The following EVA1A variants were observed in gnomAD, a reference collection of about 807,000 sequenced individuals.
EVA1A encodes the protein protein eva-1 homolog A.
Under a neutral mutation model 9.8 loss-of-function variants are expected in EVA1A, and 7 were observed. The ratio of observed to expected loss-of-function variants is 0.71; its 90% CI spans 0.41 to 1.34. The LOEUF (loss-of-function observed/expected upper bound fraction) is 1.34. EVA1A is among the 40% of genes most tolerant of loss of function. EVA1A has a pLI of 0.01. For missense variants in EVA1A, 206 were observed against 205.9 expected, an observed-to-expected ratio of 1.00 and a Z score of 0.00; for synonymous variants, 90 against 85.6, an observed-to-expected ratio of 1.05 and a Z score of -0.28.
rs1199055530 is a variant in EVA1A at position 75,518,129 on chromosome 2, G to T, written c.12C>A (p.Pro4=). Residue 4 remains proline, a synonymous_variant, in exon 3 of 4, where the codon CCC becomes CCA. Coordinates refer to ENST00000393913, the MANE Select transcript of EVA1A (RefSeq NM_001135032.2). ...CCACGTGCTCTGGGCTGTGGCTGAGGGGCAGCCTCATGGGACATCCAGAGG... is the reference window on the plus strand; with the variant it reads ...CCACGTGCTCTGGGCTGTGGCTGAGTGGCAGCCTCATGGGACATCCAGAGG... MRL[P]LSHSPEHVEM... 5 of 1,613,908 alleles carry T rather than the reference G, an allele frequency of 3.1e-6. No individual in the cohort carries two copies. The highest frequency in any genetic ancestry group is 1.7e-5 in the Admixed American group (1 of 59,996).
chr2:75,545,959 C>T (rs897665986), intron 1 of EVA1A, among the ~76,000 whole-genome samples: 2 of 152,012 alleles, frequency 1.3e-5, no homozygotes, highest in Admixed American at 1.3e-4. Flanking sequence ...GAGCACCTCT[C>T]AACTCAAAGA....
intron 1 of EVA1A, chr2:75,542,427 C>G (rs191826152): frequency 6.6e-6 from 1 of 152,362 alleles, no homozygotes; most frequent in Admixed American, 6.5e-5. Flanking sequence ...TGAGTTCTTC[C>G]CAACCTACCT....
intron 1 of EVA1A, among the ~76,000 whole-genome samples, chr2:75,547,394 T>C (rs1450342895): frequency 1.3e-5 from 2 of 152,208 alleles, no homozygotes; most frequent in Non-Finnish European, 2.9e-5. Flanking sequence ...ACTTGCAATT[T>C]TCAAACTTCA....
At chr2:75,528,369 T>C (rs999495119) in intron 1 of EVA1A, among the ~76,000 whole-genome samples, 3 of 152,170 alleles carry the variant, frequency 2.0e-5, no homozygotes, top group Non-Finnish European at 2.9e-5. Context: ...GGGAGGCTTG[T>C]AGCCTGGGGC....
chr2:75,524,879 T>C (rs772344254), intron 1 of EVA1A, among the ~76,000 whole-genome samples: 9 of 152,146 alleles, frequency 5.9e-5, no homozygotes, highest in Non-Finnish European at 1.0e-4. Flanking sequence ...GATCTCCATC[T>C]CTCTATATAA....
At chr2:75,511,846 C>T (rs547963706) in intron 3 of EVA1A, among the ~76,000 whole-genome samples, 5 of 152,132 alleles carry the variant, frequency 3.3e-5, no homozygotes, top group Admixed American at 6.5e-5. Flanking sequence ...CTAGGAGTTC[C>T]AGCAGGGGAG....
At chr2:75,522,709 C>G (rs1675275769) in intron 1 of EVA1A, among the ~76,000 whole-genome samples, 1 of 152,160 alleles carries the variant, frequency 6.6e-6, no homozygotes, top group Admixed American at 6.5e-5. Context: ...CAGGGTCATA[C>G]CAGAAAGGAT....
chr2:75,541,229 T>C (rs746625057), intron 1 of EVA1A, among the ~76,000 whole-genome samples: 5 of 152,202 alleles, frequency 3.3e-5, no homozygotes, highest in Non-Finnish European at 7.3e-5. Context: ...CCTTGGCTGA[T>C]GCAACAGATA....
intron 3 of EVA1A, chr2:75,517,701 G>T: frequency 1.5e-6 from 1 of 678,628 alleles, no homozygotes; most frequent in East Asian, 2.7e-5. Flanking sequence ...CCTGTGTGAG[G>T]TTAACTGCAT....
At chr2:75,509,842 G>T (rs533698031) in intron 3 of EVA1A, among the ~76,000 whole-genome samples, 2 of 151,940 alleles carry the variant, frequency 1.3e-5, no homozygotes, top group Non-Finnish European at 2.9e-5. Context: ...TACGTATACT[G>T]ATTTGTCAAA....
chr2:75,513,369 AT>A (rs1674885816), intron 3 of EVA1A, among the ~76,000 whole-genome samples: 1 of 152,214 alleles, frequency 6.6e-6, no homozygotes, highest in Non-Finnish European at 1.5e-5. Flanking sequence ...CTCTAGACTT[AT>A]TCATCCCAGA....
intron 1 of EVA1A, among the ~76,000 whole-genome samples, chr2:75,534,267 A>T (rs1675794612): frequency 6.6e-6 from 1 of 152,148 alleles, no homozygotes; most frequent in East Asian, 1.9e-4. Context: ...AGTTAAAATG[A>T]AAAATTAATG....
intron 1 of EVA1A, among the ~76,000 whole-genome samples, chr2:75,536,551 A>T (rs1370886124): frequency 6.6e-6 from 1 of 152,170 alleles, no homozygotes; most frequent in African/African-American, 2.4e-5. Context: ...AAATTGGCAA[A>T]CCTATAGCAA....
At chr2:75,549,562 A>T (rs1471820967) in intron 1 of EVA1A, among the ~76,000 whole-genome samples, 2 of 152,196 alleles carry the variant, frequency 1.3e-5, no homozygotes, top group Non-Finnish European at 2.9e-5. Flanking sequence ...GGGGTCCGGC[A>T]GGGATGATCC....
At chr2:75,506,535 T>G (rs150842110) in intron 3 of EVA1A, among the ~76,000 whole-genome samples, 1 of 152,296 alleles carries the variant, frequency 6.6e-6, no homozygotes, top group Non-Finnish European at 1.5e-5. Flanking sequence ...AGCTCCCTGA[T>G]GAGTGTCTGA....
chr2:75,541,857 C>T (rs1676137313), intron 1 of EVA1A: 1 of 152,350 alleles, frequency 6.6e-6, no homozygotes. Context: ...CTCCATCCCA[C>T]TGTCACTCCT....
At chr2:75,557,244 G>A (rs948016444) in intron 1 of EVA1A, among the ~76,000 whole-genome samples, 2 of 152,170 alleles carry the variant, frequency 1.3e-5, no homozygotes, top group Non-Finnish European at 2.9e-5. Flanking sequence ...CTAGCAAGTG[G>A]GCTCGGTTTT....
chr2:75,493,815 T>A (rs1674111404), intron 3 of EVA1A, among the ~76,000 whole-genome samples: 1 of 152,236 alleles, frequency 6.6e-6, no homozygotes, highest in South Asian at 2.1e-4. Flanking sequence ...TGAAATTCTT[T>A]CACTCTTCTT....
chr2:75,566,163 A>G (rs983668832), intron 1 of EVA1A, among the ~76,000 whole-genome samples: 5 of 152,222 alleles, frequency 3.3e-5, no homozygotes, highest in Non-Finnish European at 4.4e-5. Flanking sequence ...AGTATTAGCT[A>G]CTAACATCGC....
Sources: allele counts gnomAD v4.1 joint callset (sites outside exome capture counted in the v4.1 genomes callset), GRCh38; gene constraint gnomAD v4.1.1; transcripts MANE v1.5; gene names NCBI Gene and HGNC (gene_info 2026-07-23, HGNC 2026-07-21).